ENTREP1: variants seen among roughly 807,000 people sequenced by gnomAD.
ENTREP1 encodes endosomal transmembrane epsin interactor 1.
chr9:69,340,777 A>ATGTGTGTGTGTG, the ENTREP1 span, among the ~76,000 whole-genome samples: 1 of 42,728 alleles, frequency 2.3e-5, no homozygotes, highest in East Asian at 6.1e-4. Context: ...GTGTGTGTGT[A>ATGTGTGTGTGTG]TGTGTGTGTG....
the ENTREP1 span, chr9:69,377,697 T>G: frequency 1.9e-6 from 3 of 1,614,096 alleles, no homozygotes; most frequent in Non-Finnish European, 2.5e-6. Context: ...TGCCTCCCCC[T>G]TCCTATTTTG....
At chr9:69,324,770 G>A in the ENTREP1 span, 44,562 of 985,504 alleles carry the variant, frequency 0.045, 1,872 homozygotes, top group African/African-American at 0.21. Context: ...AAGTTTAAGG[G>A]CGGGCCCCCT....
chr9:69,377,702 A>G, the ENTREP1 span: 2 of 1,613,408 alleles, frequency 1.2e-6, no homozygotes, highest in Non-Finnish European at 8.5e-7. Flanking sequence ...CCCCCTTCCT[A>G]TTTTGCCACG....
chr9:69,339,372 A>G, the ENTREP1 span, among the ~76,000 whole-genome samples: 2 of 152,104 alleles, frequency 1.3e-5, no homozygotes, highest in African/African-American at 4.8e-5. Context: ...TGCTTGTGTT[A>G]TGTCACAAAA....
the ENTREP1 span, chr9:69,336,328 T>C: frequency 2.8e-6 from 3 of 1,059,258 alleles, no homozygotes; most frequent in African/African-American, 3.2e-5. Context: ...ATGAAGTCTG[T>C]TCATATAAAC....
chr9:69,385,787 T>A, the ENTREP1 span: 64 of 998,156 alleles, frequency 6.4e-5, no homozygotes, highest in South Asian at 2.6e-4. Flanking sequence ...TTTTTTTTTT[T>A]AAATCAGATG....
chr9:69,377,284 G>C, the ENTREP1 span: 1 of 859,512 alleles, frequency 1.2e-6, no homozygotes, highest in African/African-American at 1.7e-5. Context: ...TGGAGGCAGC[G>C]TTATTATTAT....
chr9:69,370,215 C>T, the ENTREP1 span, among the ~76,000 whole-genome samples: 3 of 151,920 alleles, frequency 2.0e-5, no homozygotes, highest in South Asian at 2.1e-4. Flanking sequence ...AGGGAAAACT[C>T]GAGACTTTTC....
the ENTREP1 span, among the ~76,000 whole-genome samples, chr9:69,372,673 C>T: frequency 6.6e-6 from 1 of 152,128 alleles, no homozygotes; most frequent in Non-Finnish European, 1.5e-5. Flanking sequence ...CTCTGAGATC[C>T]TGGTTTTAAT....
At chr9:69,347,324 A>C in the ENTREP1 span, among the ~76,000 whole-genome samples, 1 of 152,170 alleles carries the variant, frequency 6.6e-6, no homozygotes, top group East Asian at 1.9e-4. Flanking sequence ...ATCCCCTGTA[A>C]ACACTTGCCA....
At chr9:69,386,386 C>T in the ENTREP1 span, 1 of 152,216 alleles carries the variant, frequency 6.6e-6, no homozygotes, top group Non-Finnish European at 1.5e-5. Context: ...GAAATCTGAC[C>T]TTGTTTTTAG....
At chr9:69,356,227 C>T in the ENTREP1 span, among the ~76,000 whole-genome samples, 3 of 152,328 alleles carry the variant, frequency 2.0e-5, no homozygotes, top group South Asian at 6.2e-4. Flanking sequence ...TAAGTGGAAT[C>T]ATACAATATT....
chr9:69,391,507 C>A, the ENTREP1 span: 2 of 1,009,732 alleles, frequency 2.0e-6, no homozygotes, highest in Non-Finnish European at 1.5e-6. Flanking sequence ...AGCAATTACA[C>A]ATTAAGATAG....
the ENTREP1 span, among the ~76,000 whole-genome samples, chr9:69,363,516 T>C: frequency 2.0e-5 from 3 of 152,286 alleles, no homozygotes; most frequent in African/African-American, 4.8e-5. Flanking sequence ...CACAAAGATA[T>C]GTGCAGGGTA....
At chr9:69,369,366 T>G in the ENTREP1 span, among the ~76,000 whole-genome samples, 1 of 152,132 alleles carries the variant, frequency 6.6e-6, no homozygotes, top group East Asian at 1.9e-4. Flanking sequence ...GATTGCTGGG[T>G]CAAATGGAAT....
the ENTREP1 span, chr9:69,383,172 A>G: frequency 1.1e-6 from 1 of 934,970 alleles, no homozygotes. Context: ...AATAGAGGTG[A>G]AACTCATATA....
chr9:69,356,731 A>G, the ENTREP1 span, among the ~76,000 whole-genome samples: 14 of 152,208 alleles, frequency 9.2e-5, 1 homozygote, highest in East Asian at 1.2e-3. Flanking sequence ...CCCAAGGGGC[A>G]TAGCAGATCT....
the ENTREP1 span, among the ~76,000 whole-genome samples, chr9:69,347,327 A>G: frequency 2.0e-5 from 3 of 152,132 alleles, no homozygotes; most frequent in Non-Finnish European, 4.4e-5. Flanking sequence ...CCCTGTAAAC[A>G]CTTGCCAAGT....
the ENTREP1 span, among the ~76,000 whole-genome samples, chr9:69,352,639 T>G: frequency 2.6e-5 from 4 of 152,228 alleles, no homozygotes; most frequent in Non-Finnish European, 5.9e-5. Context: ...TAGCTAGAAG[T>G]GGCAGAGCTG....
Sources: gnomAD v4.1 joint callset for allele counts (sites outside exome capture counted in the v4.1 genomes callset) on GRCh38, gnomAD v4.1.1 for gene constraint, MANE v1.5 for transcripts, NCBI Gene and HGNC (gene_info 2026-07-23, HGNC 2026-07-21) for gene names.